The following FHIT variants were observed in gnomAD, a reference collection of about 807,000 sequenced individuals.
The protein encoded by FHIT is fragile histidine triad diadenosine triphosphatase.
A neutral mutation model predicts 17.9 loss-of-function variants in FHIT; 19 were observed. The observed-to-expected ratio is 1.06, with a 90% CI of 0.74 to 1.56. The LOEUF (loss-of-function observed/expected upper bound fraction) is 1.56, where lower values mean the gene tolerates loss of function less well. Ranked by LOEUF, FHIT falls within the 40% of genes most tolerant of loss-of-function variation. The probability of loss-of-function intolerance (pLI) is 0.00; values close to 1 mark genes in which losing one functional copy is unlikely to be tolerated. For synonymous variants in FHIT, 81 were observed against 69.7 expected (o/e 1.16, Z -0.81); for missense variants, 248 against 189.2 (o/e 1.31, Z -1.82).
intron 5 of FHIT, among the ~76,000 whole-genome samples, chr3:60,141,208 C>G (rs1700026486): frequency 6.6e-6 from 1 of 152,042 alleles, no homozygotes. Flanking sequence ...AATAAGCCCT[C>G]TCCCTGTCTA....
intron 2 of FHIT, among the ~76,000 whole-genome samples, chr3:61,050,722 C>CGCATGCAA (rs1214012014): frequency 4.6e-5 from 7 of 152,042 alleles, no homozygotes; most frequent in Non-Finnish European, 1.0e-4. Flanking sequence ...GGATGATGCA[C>CGCATGCAA]GCATGGGTGT....
chr3:60,317,980 C>T (rs750720895), intron 5 of FHIT, among the ~76,000 whole-genome samples: 13 of 151,912 alleles, frequency 8.6e-5, no homozygotes, highest in Middle Eastern at 3.4e-3. Flanking sequence ...TTGGTAGAAA[C>T]GGGGTTTTGC....
chr3:60,097,055 T>G (rs1703982505), intron 5 of FHIT, among the ~76,000 whole-genome samples: 1 of 141,210 alleles, frequency 7.1e-6, no homozygotes, highest in South Asian at 2.4e-4. Context: ...ATAGAAGAAC[T>G]CGAGTCCTTA....
intron 3 of FHIT, among the ~76,000 whole-genome samples, chr3:60,961,616 G>A (rs1010294329): frequency 1.3e-5 from 2 of 152,150 alleles, no homozygotes; most frequent in East Asian, 3.9e-4. Context: ...TAGCGTGTAA[G>A]GAAGGGATCC....
intron 3 of FHIT, among the ~76,000 whole-genome samples, chr3:60,824,528 T>A (rs966688371): frequency 6.6e-6 from 1 of 152,132 alleles, no homozygotes; most frequent in African/African-American, 2.4e-5. Context: ...AAATATTTTT[T>A]AAAATCATGA....
chr3:59,943,676 G>A (rs1351510229), intron 7 of FHIT, among the ~76,000 whole-genome samples: 1 of 152,166 alleles, frequency 6.6e-6, no homozygotes, highest in Non-Finnish European at 1.5e-5. Flanking sequence ...GCCTTGGAGT[G>A]GAAGAAAGAA....
intron 4 of FHIT, among the ~76,000 whole-genome samples, chr3:60,703,648 T>A (rs2107915634): frequency 6.6e-6 from 1 of 152,274 alleles, no homozygotes; most frequent in South Asian, 2.1e-4. Context: ...TGATATAACA[T>A]TTTGCTAGAT....
intron 2 of FHIT, among the ~76,000 whole-genome samples, chr3:61,188,516 A>G (rs1361321964): frequency 2.0e-5 from 3 of 152,192 alleles, no homozygotes; most frequent in Non-Finnish European, 2.9e-5. Flanking sequence ...AGGAGGAGCT[A>G]GTACCAGTCC....
intron 4 of FHIT, among the ~76,000 whole-genome samples, chr3:60,737,670 C>T (rs2042160860): frequency 6.6e-6 from 1 of 152,138 alleles, no homozygotes; most frequent in Non-Finnish European, 1.5e-5. Context: ...ATGCATTTCC[C>T]ATTTAATAGA....
intron 5 of FHIT, among the ~76,000 whole-genome samples, chr3:60,431,110 C>A (rs1299001038): frequency 6.6e-6 from 1 of 151,660 alleles, no homozygotes; most frequent in Admixed American, 6.6e-5. Flanking sequence ...TACTTGGGAG[C>A]TGAGACAGAA....
chr3:60,575,203 A>G (rs2037524876), intron 4 of FHIT, among the ~76,000 whole-genome samples: 1 of 152,152 alleles, frequency 6.6e-6, no homozygotes, highest in Non-Finnish European at 1.5e-5. Context: ...GTAGGTTGAT[A>G]GCAAGCTAGT....
rs773059204 is a variant in FHIT, at chr3:60,101,155, G to A, written c.104-87003C>T. Among the ~76,000 whole-genome samples the A allele has an allele frequency of 5.3e-5, 8 of 152,260 alleles. No individual in the cohort carries two copies. The South Asian group carries it at 8.3e-4, about 16-fold the overall frequency. ...ATTCTAATCCTTTCTGTATACAGCCGCCAGAAGGGCTTGACACAAATGTAA... is the reference window on the plus strand; with the variant it reads ...ATTCTAATCCTTTCTGTATACAGCCACCAGAAGGGCTTGACACAAATGTAA... On this transcript the variant is annotated intron_variant, in intron 5 of 9. Coordinates refer to ENST00000492590, the MANE Select transcript of FHIT (RefSeq NM_002012.4).
At chr3:60,527,247 G>C (rs1411344183) in intron 5 of FHIT, among the ~76,000 whole-genome samples, 1 of 152,116 alleles carries the variant, frequency 6.6e-6, no homozygotes, top group African/African-American at 2.4e-5. Context: ...GGTATTCTAG[G>C]CCTCTGCATG....
chr3:59,965,995 A>G (rs1293517956), intron 7 of FHIT, among the ~76,000 whole-genome samples: 1 of 152,180 alleles, frequency 6.6e-6, no homozygotes, highest in African/African-American at 2.4e-5. Flanking sequence ...GAATAGAAAT[A>G]ACTGGCAGAT....
chr3:61,135,581 G>A (rs1429659670), intron 2 of FHIT, among the ~76,000 whole-genome samples: 1 of 100,454 alleles, frequency 1.0e-5, no homozygotes, highest in Non-Finnish European at 1.8e-5. Flanking sequence ...CCTTGTGTTC[G>A]AACACACACA....
At chr3:60,589,009 TGAGA>T (rs2037994859) in intron 4 of FHIT, among the ~76,000 whole-genome samples, 2 of 152,026 alleles carry the variant, frequency 1.3e-5, no homozygotes, top group South Asian at 2.1e-4. Context: ...GACATTCTCC[TGAGA>T]AAGACTCCTC....
intron 2 of FHIT, among the ~76,000 whole-genome samples, chr3:61,130,914 A>G (rs2036744730): frequency 6.6e-6 from 1 of 152,242 alleles, no homozygotes; most frequent in African/African-American, 2.4e-5. Context: ...TATTAAAATA[A>G]AATAATGATC....
intron 4 of FHIT, among the ~76,000 whole-genome samples, chr3:60,711,185 C>CA (rs1263379890): frequency 1.4e-4 from 21 of 152,240 alleles, no homozygotes; most frequent in Middle Eastern, 3.4e-3. Flanking sequence ...GGACCTCTAG[C>CA]AACTCCAACA....
intron 5 of FHIT, among the ~76,000 whole-genome samples, chr3:60,206,171 A>T (rs71313752): frequency 0.16 from 22,803 of 141,682 alleles, 2,076 homozygotes; most frequent in East Asian, 0.24. Context: ...TAATAATAAT[A>T]ATTATAACAC....
Sources: allele counts gnomAD v4.1 joint callset (sites outside exome capture counted in the v4.1 genomes callset), GRCh38; gene constraint gnomAD v4.1.1; transcripts MANE v1.5; gene names NCBI Gene and HGNC (gene_info 2026-07-23, HGNC 2026-07-21).